Variants in PDZRN4 observed in about 807,000 individuals in gnomAD.
The protein encoded by PDZRN4 is PDZ domain containing ring finger 4.
In PDZRN4, 70 loss-of-function variants were observed where a neutral mutation model predicts 99.0. The observed-to-expected ratio is 0.71, with a 90% CI of 0.58 to 0.86. The LOEUF is 0.86. Among genes scored for constraint, PDZRN4 ranks in the 40% least tolerant of loss-of-function variants. The pLI, the probability that PDZRN4 is intolerant of heterozygous loss-of-function variation, is 0.00. For synonymous variants in PDZRN4, 551 were observed against 501.6 expected, an observed-to-expected ratio of 1.10 and a Z score of -1.32; for missense variants, 1,474 against 1,331.2, an observed-to-expected ratio of 1.11 and a Z score of -1.67.
chr12:41,223,396 T>C (rs1160989904), intron 3 of PDZRN4, among the ~76,000 whole-genome samples: 2 of 151,960 alleles, frequency 1.3e-5, no homozygotes, highest in South Asian at 2.1e-4. Flanking sequence ...CCTCCCTCCT[T>C]CTCTCCCCCT....
At chr12:41,253,740 TC>T (rs1025507058) in intron 3 of PDZRN4, among the ~76,000 whole-genome samples, 4 of 152,172 alleles carry the variant, frequency 2.6e-5, no homozygotes, top group Admixed American at 2.0e-4. Flanking sequence ...GAACTGTGTG[TC>T]CATCAAAAGA....
intron 3 of PDZRN4, among the ~76,000 whole-genome samples, chr12:41,276,087 A>C (rs1951348229): frequency 6.6e-6 from 1 of 152,184 alleles, no homozygotes; most frequent in Non-Finnish European, 1.5e-5. Context: ...TAGGAAGCCT[A>C]GGACATTCTC....
chr12:41,206,598 C>T (rs576520991), intron 3 of PDZRN4, among the ~76,000 whole-genome samples: 1 of 151,436 alleles, frequency 6.6e-6, no homozygotes, highest in South Asian at 2.1e-4. Flanking sequence ...TTTGCTGTGC[C>T]TTCAACACCC....
At chr12:41,494,111 C>T (rs1188221846) in intron 3 of PDZRN4, among the ~76,000 whole-genome samples, 1 of 151,808 alleles carries the variant, frequency 6.6e-6, no homozygotes, top group Admixed American at 6.6e-5. Flanking sequence ...CAATTATCCA[C>T]ACGGTTATGA....
At chr12:41,256,878 C>T (rs1951207694) in intron 3 of PDZRN4, among the ~76,000 whole-genome samples, 1 of 152,220 alleles carries the variant, frequency 6.6e-6, no homozygotes, top group Non-Finnish European at 1.5e-5. Flanking sequence ...AATTAGTCAA[C>T]TGGCTAGCCA....
At chr12:41,381,193 A>G (rs527715634) in intron 3 of PDZRN4, among the ~76,000 whole-genome samples, 55 of 152,268 alleles carry the variant, frequency 3.6e-4, no homozygotes, top group South Asian at 3.3e-3. Context: ...GTTTCAGTGT[A>G]AATAAACCTT....
chr12:41,477,069 A>T (rs2730814), intron 3 of PDZRN4, among the ~76,000 whole-genome samples: 1 of 152,020 alleles, frequency 6.6e-6, no homozygotes, highest in African/African-American at 2.4e-5. Context: ...GATCCATGAT[A>T]AATTTAGTCC....
intron 3 of PDZRN4, among the ~76,000 whole-genome samples, chr12:41,416,372 CA>C (rs1952445563): frequency 6.6e-6 from 1 of 152,144 alleles, no homozygotes; most frequent in South Asian, 2.1e-4. Flanking sequence ...TGGCCAGGCA[CA>C]GTGGCTCACA....
At chr12:41,264,110 A>G (rs1422369623) in intron 3 of PDZRN4, among the ~76,000 whole-genome samples, 1 of 152,228 alleles carries the variant, frequency 6.6e-6, no homozygotes, top group Admixed American at 6.5e-5. Flanking sequence ...TGGAAATTCT[A>G]TCATTTAGCT....
intron 7 of PDZRN4, among the ~76,000 whole-genome samples, chr12:41,558,376 A>G (rs1939205558): frequency 6.6e-6 from 1 of 152,214 alleles, no homozygotes; most frequent in South Asian, 2.1e-4. Context: ...TGCTGTTGCC[A>G]GCTGGTACTT....
At chr12:41,206,396 A>G (rs1008510175) in intron 3 of PDZRN4, among the ~76,000 whole-genome samples, 5 of 151,908 alleles carry the variant, frequency 3.3e-5, no homozygotes, top group African/African-American at 9.7e-5. Flanking sequence ...TGGTGTATGC[A>G]GATGACTCTG....
intron 3 of PDZRN4, among the ~76,000 whole-genome samples, chr12:41,386,321 A>G (rs1314969614): frequency 6.6e-6 from 1 of 152,260 alleles, no homozygotes; most frequent in Non-Finnish European, 1.5e-5. Flanking sequence ...TAGGGCAATC[A>G]GGCAAGAGAA....
chr12:41,191,457 G>T lies in PDZRN4; in HGVS notation c.649-1G>T. 2 of 1,464,852 alleles carry T rather than the reference G, an allele frequency of 1.4e-6. No homozygotes were observed. Among genetic ancestry groups the T allele is most frequent in the Non-Finnish European group, 1.9e-6 (2 of 1,063,838 alleles). 90.7% of individuals were successfully genotyped at this position (1,464,852 alleles called of 1,614,324 possible). On this transcript the variant is annotated splice_acceptor_variant, in intron 1 of 9. Transcript: ENST00000402685. LOFTEE classifies it high-confidence loss of function. ...AAGTCATTTTATACATTTTTTTCTA[G>T]GATGGAGAGCATAAGCCATTCACTA...
rs74889938 is a variant in PDZRN4 at position 41,430,970 on chromosome 12, T to A, written c.844-75486T>A. Among the ~76,000 whole-genome samples the A allele has an allele frequency of 3.7e-3, 559 of 152,176 alleles. 2 individuals carry two copies. Among genetic ancestry groups the A allele is most frequent in the African/African-American group, 0.013 (521 of 41,546 alleles). On this transcript the variant is annotated intron_variant, in intron 3 of 9. Coordinates refer to ENST00000402685, the MANE Select transcript of PDZRN4 (RefSeq NM_001164595.2). ...AGCAGGAGCAAGATGGGAGTGGTGCTACGGACTTTTAAACAACCAGATCTT... is the reference window on the plus strand; with the variant it reads ...AGCAGGAGCAAGATGGGAGTGGTGCAACGGACTTTTAAACAACCAGATCTT...
intron 3 of PDZRN4, among the ~76,000 whole-genome samples, chr12:41,464,183 C>G (rs886338328): frequency 1.3e-5 from 2 of 152,048 alleles, no homozygotes; most frequent in Non-Finnish European, 2.9e-5. Flanking sequence ...TAGTCCTGAA[C>G]GAACACAGGG....
chr12:41,510,350 G>T (rs1565602343), intron 5 of PDZRN4, among the ~76,000 whole-genome samples: 2 of 151,806 alleles, frequency 1.3e-5, no homozygotes, highest in Non-Finnish European at 2.9e-5. Flanking sequence ...TGTGCCTCTG[G>T]TCTGTACTCT....
At chr12:41,251,623 C>T (rs1293186466) in intron 3 of PDZRN4, among the ~76,000 whole-genome samples, 1 of 152,128 alleles carries the variant, frequency 6.6e-6, no homozygotes, top group African/African-American at 2.4e-5. Flanking sequence ...ATTTGAAATT[C>T]ATGCATAATT....
At chr12:41,389,802 TG>T (rs1952196409) in intron 3 of PDZRN4, among the ~76,000 whole-genome samples, 2 of 152,204 alleles carry the variant, frequency 1.3e-5, no homozygotes, top group Admixed American at 6.5e-5. Flanking sequence ...AGAGGTCAAA[TG>T]GAAGTTGGAC....
At chr12:41,328,887 CAGG>C (rs1175673662) in intron 3 of PDZRN4, among the ~76,000 whole-genome samples, 3 of 151,994 alleles carry the variant, frequency 2.0e-5, no homozygotes, top group Admixed American at 6.6e-5. Flanking sequence ...GTTTATTGGC[CAGG>C]AGGAGAAGAT....
Sources: allele counts gnomAD v4.1 joint callset (sites outside exome capture counted in the v4.1 genomes callset), GRCh38; gene constraint gnomAD v4.1.1; transcripts MANE v1.5; gene names NCBI Gene and HGNC (gene_info 2026-07-23, HGNC 2026-07-21).